PTPRD: variants seen among roughly 807,000 people sequenced by gnomAD.
PTPRD encodes the protein protein tyrosine phosphatase receptor type D, also known as receptor-type tyrosine-protein phosphatase delta.
In PTPRD, 34 loss-of-function variants were observed where a neutral mutation model predicts 214.5. The observed-to-expected ratio is 0.16, with a 90% CI of 0.12 to 0.21. PTPRD has a LOEUF of 0.21. Among genes scored for constraint, PTPRD ranks in the 10% least tolerant of loss-of-function variants. PTPRD has a pLI of 1.00. For missense variants in PTPRD, 2,545 were observed against 2,398.7 expected (o/e 1.06, Z -1.27); for synonymous variants, 1,128 against 845.7 (o/e 1.33, Z -5.79).
At chr9:8,414,387 C>G (rs1305750310) in intron 35 of PTPRD, among the ~76,000 whole-genome samples, 1 of 152,296 alleles carries the variant, frequency 6.6e-6, no homozygotes, top group Middle Eastern at 3.4e-3. Context: ...ATAATGGCTA[C>G]TTGCCAATGA....
intron 2 of PTPRD, among the ~76,000 whole-genome samples, chr9:10,518,203 G>A: frequency 6.6e-6 from 1 of 152,036 alleles, no homozygotes; most frequent in South Asian, 2.1e-4. Flanking sequence ...GAAAATTAAG[G>A]ATAATAATTT....
chr9:8,345,259 G>C (rs1370896339), intron 39 of PTPRD, among the ~76,000 whole-genome samples: 1 of 151,974 alleles, frequency 6.6e-6, no homozygotes, highest in Admixed American at 6.6e-5. Flanking sequence ...CCCCTTCTCT[G>C]ACAACACTTG....
intron 44 of PTPRD, among the ~76,000 whole-genome samples, chr9:8,330,544 AAGGATGTTTAATAACTCAATAGAAAG>A (rs1296044694): frequency 7.3e-6 from 1 of 136,726 alleles, no homozygotes; most frequent in African/African-American, 3.2e-5. Context: ...TTGGTTTGCA[AAGGATGTTTAATAACTCAATAGAAAG>A]TAGAAAGCAA....
rs549729909 is a variant in PTPRD at position 8,332,612 on chromosome 9, G to A, written c.5380-876C>T. 2.5e-4 allele frequency among the ~76,000 whole-genome samples: 38 copies of A among 151,666 alleles called. No individual in the cohort carries two copies. In the East Asian group the frequency reaches 7.0e-3, roughly 28 times the overall value. On this transcript the variant is annotated intron_variant, in intron 43 of 45. Coordinates refer to ENST00000381196, the MANE Select transcript of PTPRD (RefSeq NM_002839.4). Reference sequence around the variant, plus strand: ...ATTAGGTAAAACTGCTCTGACTCACGAAGTATATCTGGGTTGAAAAGAAGA... The same window carrying A: ...ATTAGGTAAAACTGCTCTGACTCACAAAGTATATCTGGGTTGAAAAGAAGA...
chr9:9,074,010 A>G (rs920864035), intron 10 of PTPRD, among the ~76,000 whole-genome samples: 1 of 152,140 alleles, frequency 6.6e-6, no homozygotes, highest in African/African-American at 2.4e-5. Flanking sequence ...GTGAGATGTC[A>G]AGTGGGTAGC....
intron 9 of PTPRD, among the ~76,000 whole-genome samples, chr9:9,236,981 T>C (rs567306319): frequency 3.9e-5 from 6 of 152,322 alleles, no homozygotes; most frequent in African/African-American, 1.4e-4. Context: ...AAAAGGCTTA[T>C]TAGTTTTTGT....
intron 25 of PTPRD, 77 bp from the exon 26 acceptor site, chr9:8,497,345 G>T: frequency 8.2e-7 from 1 of 1,221,512 alleles, no homozygotes; most frequent in Non-Finnish European, 1.1e-6. Flanking sequence ...AGGCAGTGTT[G>T]CCCTTGTTAG....
intron 11 of PTPRD, among the ~76,000 whole-genome samples, chr9:8,913,373 T>C (rs1349050746): frequency 2.0e-5 from 3 of 152,130 alleles, no homozygotes; most frequent in East Asian, 3.8e-4. Flanking sequence ...CATCTCTCTG[T>C]TGGATATTCA....
intron 31 of PTPRD, among the ~76,000 whole-genome samples, chr9:8,470,032 C>A (rs564186069): frequency 6.6e-6 from 1 of 152,112 alleles, no homozygotes; most frequent in East Asian, 1.9e-4. Flanking sequence ...GAAGAAATAC[C>A]TAGAAATAAA....
chr9:8,499,481 T>C (rs974810408), intron 25 of PTPRD, among the ~76,000 whole-genome samples, 166 bp downstream of exon 25: 7 of 152,232 alleles, frequency 4.6e-5, no homozygotes, highest in Non-Finnish European at 7.3e-5. Context: ...CCTCACTTGA[T>C]AGTAACTCTG....
At chr9:8,802,357 C>T (rs1361496811) in intron 11 of PTPRD, among the ~76,000 whole-genome samples, 2 of 152,188 alleles carry the variant, frequency 1.3e-5, no homozygotes, top group Non-Finnish European at 2.9e-5. Context: ...TTCCCTGACT[C>T]TCACGCCATT....
At chr9:8,439,267 T>G (rs2095462605) in intron 34 of PTPRD, among the ~76,000 whole-genome samples, 1 of 152,208 alleles carries the variant, frequency 6.6e-6, no homozygotes, top group African/African-American at 2.4e-5. Flanking sequence ...AATCACCTTT[T>G]GTGAAGCGCC....
chr9:9,997,832 A>T (rs1666170992), intron 4 of PTPRD, among the ~76,000 whole-genome samples: 1 of 118,844 alleles, frequency 8.4e-6, no homozygotes, highest in Admixed American at 8.6e-5. Flanking sequence ...TTGTCACCAC[A>T]TATGCCAGGC....
intron 10 of PTPRD, among the ~76,000 whole-genome samples, chr9:9,134,481 T>C (rs2099847909): frequency 6.6e-6 from 1 of 152,214 alleles, no homozygotes; most frequent in South Asian, 2.1e-4. Context: ...TAAACTGGAA[T>C]ACAGCAGTAG....
At chr9:9,588,655 A>G (rs1223854763) in intron 7 of PTPRD, among the ~76,000 whole-genome samples, 3 of 151,976 alleles carry the variant, frequency 2.0e-5, no homozygotes, top group Admixed American at 6.6e-5. Flanking sequence ...TTTAATATCC[A>G]TGTTTATGAA....
chr9:8,378,837 A>G (rs2084053763), intron 37 of PTPRD, among the ~76,000 whole-genome samples: 1 of 152,074 alleles, frequency 6.6e-6, no homozygotes, highest in Non-Finnish European at 1.5e-5. Flanking sequence ...AAAGAATGAG[A>G]AGGCAACCTT....
At chr9:9,066,152 TA>T (rs1449595528) in intron 10 of PTPRD, among the ~76,000 whole-genome samples, 6 of 152,290 alleles carry the variant, frequency 3.9e-5, no homozygotes, top group Admixed American at 2.0e-4. Context: ...GTATGTGTAC[TA>T]AAATTTTGAT....
chr9:9,632,231 T>C (rs2095617658), intron 7 of PTPRD, among the ~76,000 whole-genome samples: 1 of 152,148 alleles, frequency 6.6e-6, no homozygotes, highest in Admixed American at 6.6e-5. Flanking sequence ...AGTGATAAAG[T>C]ATGAATACAG....
intron 9 of PTPRD, among the ~76,000 whole-genome samples, chr9:9,388,613 C>T (rs529241985): frequency 1.2e-4 from 19 of 152,092 alleles, no homozygotes; most frequent in Non-Finnish European, 2.6e-4. Context: ...GGCTTGTTCT[C>T]ATATACAAGT....
Sources: gnomAD v4.1 joint callset for allele counts (sites outside exome capture counted in the v4.1 genomes callset) on GRCh38, gnomAD v4.1.1 for gene constraint, MANE v1.5 for transcripts, NCBI Gene and HGNC (gene_info 2026-07-23, HGNC 2026-07-21) for gene names.